The following PDE1A variants were observed in gnomAD, a reference collection of about 807,000 sequenced individuals.
PDE1A encodes phosphodiesterase 1A, also known as dual specificity calcium/calmodulin-dependent 3',5'-cyclic nucleotide phosphodiesterase 1A.
PDE1A carries 35 observed loss-of-function variants against 61.7 expected under a neutral mutation model. The observed-to-expected ratio is 0.57, with a 90% CI of 0.43 to 0.75. The LOEUF (loss-of-function observed/expected upper bound fraction) is 0.75. Among genes scored for constraint, PDE1A ranks in the 30% least tolerant of loss-of-function variants. The pLI is 0.00. For synonymous variants in PDE1A, 232 were observed against 213.2 expected (o/e 1.09, Z -0.77); for missense variants, 597 against 630.6 (o/e 0.95, Z 0.57).
exon 14 of PDE1A, chr2:182,168,062 C>T: frequency 1.6e-6 from 2 of 1,286,500 alleles, no homozygotes; most frequent in Non-Finnish European, 2.0e-6. Flanking sequence ...AGCAGTTGAG[C>T]CCGGTGAATT....
chr2:182,701,358 T>A, the PDE1A span, among the ~76,000 whole-genome samples: 1 of 150,042 alleles, frequency 6.7e-6, no homozygotes, highest in African/African-American at 2.5e-5. Context: ...AGTAATATTT[T>A]CTTTTATCCT....
chr2:182,554,005 G>A, the PDE1A span, among the ~76,000 whole-genome samples: 10 of 152,152 alleles, frequency 6.6e-5, no homozygotes, highest in Admixed American at 6.5e-4. Context: ...TTTTAGGCAG[G>A]GGGGTTACGG....
At chr2:182,550,877 C>G in the PDE1A span, among the ~76,000 whole-genome samples, 5 of 152,148 alleles carry the variant, frequency 3.3e-5, 1 homozygote, top group African/African-American at 1.2e-4. Flanking sequence ...AGCATAGAGG[C>G]AAGAGGGGCT....
chr2:182,303,697 TCTC>T (rs1695392107), intron 1 of PDE1A, among the ~76,000 whole-genome samples: 1 of 152,184 alleles, frequency 6.6e-6, no homozygotes, highest in South Asian at 2.1e-4. Flanking sequence ...GGCATTGACT[TCTC>T]CTATTTAGCA....
At chr2:182,608,303 T>G in the PDE1A span, among the ~76,000 whole-genome samples, 2 of 152,242 alleles carry the variant, frequency 1.3e-5, no homozygotes, top group Admixed American at 1.3e-4. Context: ...CTTGTTTGAC[T>G]GTAGGTCATC....
chr2:182,264,480 TACAG>T, intron 1 of PDE1A, 66 bp from the exon 2 acceptor site: 2 of 1,135,842 alleles, frequency 1.8e-6, no homozygotes, highest in Non-Finnish European at 2.6e-6. Context: ...TGGAAAATAG[TACAG>T]TATTAAATAC....
chr2:182,686,454 T>C, the PDE1A span, among the ~76,000 whole-genome samples: 88 of 152,340 alleles, frequency 5.8e-4, no homozygotes, highest in African/African-American at 2.0e-3. Context: ...TAAGGTTGCC[T>C]TTAAAAAATT....
intron 2 of PDE1A, among the ~76,000 whole-genome samples, chr2:182,496,479 C>G (rs758750967): frequency 6.6e-6 from 1 of 151,990 alleles, no homozygotes; most frequent in African/African-American, 2.4e-5. Flanking sequence ...TGTCACAAAC[C>G]GTTATTATGA....
At chr2:182,409,539 G>T (rs1261309554) in intron 1 of PDE1A, among the ~76,000 whole-genome samples, 1 of 152,174 alleles carries the variant, frequency 6.6e-6, no homozygotes, top group African/African-American at 2.4e-5. Context: ...GATTGTAAAA[G>T]TAAATGCATA....
the PDE1A span, among the ~76,000 whole-genome samples, chr2:182,563,081 C>T: frequency 1.8e-4 from 27 of 152,126 alleles, no homozygotes; most frequent in South Asian, 5.2e-3. Flanking sequence ...TTTTAGTTAT[C>T]TCTTGCCTTC....
chr2:182,163,421 A>T (rs1594618), downstream of PDE1A, among the ~76,000 whole-genome samples: 104,862 of 152,012 alleles, frequency 0.69, 36,572 homozygotes, highest in East Asian at 0.9. Context: ...TTTCCCTTCC[A>T]CAAGCTATCA....
At chr2:182,463,551 C>T (rs577865246) in intron 2 of PDE1A, 1 of 152,230 alleles carries the variant, frequency 6.6e-6, no homozygotes, top group Non-Finnish European at 1.5e-5. Context: ...TTTTGATAGC[C>T]TCAAACAAGA....
intron 2 of PDE1A, among the ~76,000 whole-genome samples, chr2:182,257,322 T>A (rs1026885936): frequency 6.6e-6 from 1 of 152,234 alleles, no homozygotes; most frequent in Non-Finnish European, 1.5e-5. Flanking sequence ...TAAACCTTAA[T>A]AGTTGAAAGT....
chr2:182,227,800 GC>G (rs1198018738), intron 6 of PDE1A, among the ~76,000 whole-genome samples: 1 of 152,026 alleles, frequency 6.6e-6, no homozygotes, highest in Non-Finnish European at 1.5e-5. Context: ...CATATTGGAA[GC>G]CATTTATAAG....
chr2:182,575,395 T>C, the PDE1A span, among the ~76,000 whole-genome samples: 1 of 152,000 alleles, frequency 6.6e-6, no homozygotes, highest in Non-Finnish European at 1.5e-5. Flanking sequence ...GACTTAAAGA[T>C]AGGAGGAGCC....
At chr2:182,474,977 A>G (rs1432236000) in intron 2 of PDE1A, among the ~76,000 whole-genome samples, 1 of 151,966 alleles carries the variant, frequency 6.6e-6, no homozygotes, top group African/African-American at 2.4e-5. Context: ...TGTCTGAGAG[A>G]AAAGAGTCAG....
the PDE1A span, among the ~76,000 whole-genome samples, chr2:182,687,870 T>C: frequency 6.6e-6 from 1 of 152,130 alleles, no homozygotes; most frequent in Admixed American, 6.5e-5. Context: ...GCACAAGAAC[T>C]ATGCGATGAA....
chr2:182,257,056 A>G (rs1322215960), intron 2 of PDE1A, among the ~76,000 whole-genome samples: 2 of 152,134 alleles, frequency 1.3e-5, no homozygotes, highest in Admixed American at 6.5e-5. Flanking sequence ...CATTTGATTT[A>G]CCCTTTTCAG....
chr2:182,630,600 G>T, the PDE1A span, among the ~76,000 whole-genome samples: 2 of 150,954 alleles, frequency 1.3e-5, no homozygotes, highest in Non-Finnish European at 1.5e-5. Context: ...ATTCCTTCAT[G>T]AAAATTTTTA....
Sources: allele counts gnomAD v4.1 joint callset (sites outside exome capture counted in the v4.1 genomes callset), GRCh38; gene constraint gnomAD v4.1.1; transcripts MANE v1.5; gene names NCBI Gene and HGNC (gene_info 2026-07-23, HGNC 2026-07-21).